The following FBXO25 variants were observed in gnomAD, a reference collection of about 807,000 sequenced individuals.
The protein encoded by FBXO25 is F-box only protein 25.
In FBXO25, 45 loss-of-function variants were observed where a neutral mutation model predicts 51.9. The observed-to-expected ratio is 0.87, with a 90% confidence interval of 0.68 to 1.11. The LOEUF (loss-of-function observed/expected upper bound fraction) is 1.11, where lower values mean the gene tolerates loss of function less well. Ranked by LOEUF, FBXO25 falls within the 50% of genes most tolerant of loss-of-function variation. The pLI, the probability that FBXO25 is intolerant of heterozygous loss-of-function variation, is 0.00. For synonymous variants in FBXO25, 199 were observed against 151.0 expected, an observed-to-expected ratio of 1.32 and a Z score of -2.33; for missense variants, 507 against 428.5, an observed-to-expected ratio of 1.18 and a Z score of -1.62.
chr8:427,086 A>G (rs1797534770), intron 2 of FBXO25, among the ~76,000 whole-genome samples: 1 of 152,132 alleles, frequency 6.6e-6, no homozygotes, highest in Non-Finnish European at 1.5e-5. Context: ...GGAGAAAATA[A>G]TACGACCTGA....
chr8:451,586 T>C (rs1585076766), intron 7 of FBXO25, 133 bp downstream of exon 7: 3 of 913,076 alleles, frequency 3.3e-6, no homozygotes, highest in Non-Finnish European at 3.2e-6. Flanking sequence ...ATTCATTAAA[T>C]TGTTTTAAAA....
At chr8:468,009 A>C in intron 9 of FBXO25, 5 of 1,321,940 alleles carry the variant, frequency 3.8e-6, no homozygotes, top group Non-Finnish European at 9.7e-7. Flanking sequence ...TTCACCACAC[A>C]GCACCTGGTT....
rs1798065714 is a variant in FBXO25, at chr8:435,718, T to C, written c.381+11T>C. 2 of 1,565,170 alleles carry C rather than the reference T, an allele frequency of 1.3e-6. No homozygotes were observed. The highest frequency in any genetic ancestry group is 1.7e-6 in the Non-Finnish European group (2 of 1,159,068). On this transcript the variant is annotated intron_variant, in intron 5 of 9. Transcript: ENST00000350302. The stretch of plus-strand genomic sequence containing the variant: ...AATTATGTGGTCAAAGTAAGTGTTC[T>C]ATTTCAAAAACTACTTTGATGACTC...
At chr8:447,245 G>A (rs1023030472) in intron 5 of FBXO25, among the ~76,000 whole-genome samples, 3 of 152,118 alleles carry the variant, frequency 2.0e-5, no homozygotes, top group Non-Finnish European at 4.4e-5. Context: ...GGTCTCCCAG[G>A]GATTCACATA....
chr8:420,618 A>G (rs773588258), intron 2 of FBXO25, among the ~76,000 whole-genome samples: 2 of 152,264 alleles, frequency 1.3e-5, no homozygotes, highest in African/African-American at 2.4e-5. Flanking sequence ...GGAACAAACT[A>G]TTAATTCGCA....
chr8:412,223 T>G (rs1252142975), intron 1 of FBXO25, among the ~76,000 whole-genome samples: 2 of 152,140 alleles, frequency 1.3e-5, no homozygotes, highest in Admixed American at 6.5e-5. Context: ...ATCTCTCCTT[T>G]CCTAATAAAA....
chr8:436,598 C>G (rs1307067686), intron 5 of FBXO25, among the ~76,000 whole-genome samples: 1 of 152,140 alleles, frequency 6.6e-6, no homozygotes, highest in Non-Finnish European at 1.5e-5. Context: ...GGCTGGACTT[C>G]CCTGGTGTTT....
intron 7 of FBXO25, among the ~76,000 whole-genome samples, chr8:452,419 C>T (rs1457826294): frequency 7.2e-6 from 1 of 138,714 alleles, no homozygotes. Context: ...ACTGCGTTCC[C>T]CATGCATAGG....
intron 5 of FBXO25, among the ~76,000 whole-genome samples, chr8:447,699 G>C (rs1414835636): frequency 6.6e-6 from 1 of 152,156 alleles, no homozygotes; most frequent in African/African-American, 2.4e-5. Context: ...ATTCATGTAT[G>C]TTTCACATAC....
intron 1 of FBXO25, among the ~76,000 whole-genome samples, chr8:408,409 G>T (rs1377475144): frequency 6.6e-6 from 1 of 152,124 alleles, no homozygotes; most frequent in Non-Finnish European, 1.5e-5. Context: ...TAAACATAGT[G>T]GTTAGGAGCA....
At chr8:414,265 A>T (rs1022220110) in intron 2 of FBXO25, among the ~76,000 whole-genome samples, 1 of 152,198 alleles carries the variant, frequency 6.6e-6, no homozygotes, top group African/African-American at 2.4e-5. Context: ...AAAGCTTGTA[A>T]TTATGCTGTT....
rs1456400854 is a variant in FBXO25, at chr8:471,756, A to C, written c.*2952A>C. The C allele has an allele frequency of 6.6e-6, 1 of 152,262 alleles. No homozygotes were observed. Among genetic ancestry groups the C allele is most frequent in the Admixed American group, 6.5e-5 (1 of 15,286 alleles). 9.4% of individuals were successfully genotyped at this position (152,262 alleles called of 1,614,324 possible). On this transcript the variant is annotated 3_prime_UTR_variant, in exon 10 of 10. Transcript: ENST00000350302. ...ATACACACAAATTGGAAAGCCATGC[A>C]GTAGCCTCTCAGGAGCAGACCGATT... is the stretch of plus-strand genomic sequence containing the variant.
At chr8:445,054 T>C (rs941463595) in intron 5 of FBXO25, among the ~76,000 whole-genome samples, 40 of 152,344 alleles carry the variant, frequency 2.6e-4, no homozygotes, top group African/African-American at 4.8e-4. Flanking sequence ...GGCTTATGAA[T>C]GATTACAGTT....
At chr8:453,522 G>T (rs1479172070) in intron 7 of FBXO25, among the ~76,000 whole-genome samples, 1 of 152,134 alleles carries the variant, frequency 6.6e-6, no homozygotes, top group Non-Finnish European at 1.5e-5. Context: ...TCAGTTAACT[G>T]AGCTGCATTT....
intron 4 of FBXO25, among the ~76,000 whole-genome samples, chr8:434,079 G>T (rs1036129293): frequency 6.6e-6 from 1 of 152,208 alleles, no homozygotes; most frequent in African/African-American, 2.4e-5. Flanking sequence ...AGGCTGTGGG[G>T]ATGCTCCCTG....
At chr8:450,823 G>C (rs1446032582) in intron 6 of FBXO25, 2 of 156,584 alleles carry the variant, frequency 1.3e-5, no homozygotes, top group East Asian at 3.8e-4. Context: ...TTAAGTGTGT[G>C]TATATTACTG....
At chr8:449,893 T>C in intron 5 of FBXO25, 97 bp from the exon 6 acceptor site, 1 of 811,498 alleles carries the variant, frequency 1.2e-6, no homozygotes, top group Non-Finnish European at 2.0e-6. Context: ...TAGGATGGCA[T>C]GTTAGAAATC....
chr8:420,030 G>C (rs1365505186), intron 2 of FBXO25, among the ~76,000 whole-genome samples: 2 of 152,106 alleles, frequency 1.3e-5, no homozygotes, highest in East Asian at 1.9e-4. Context: ...AGAAAAATAA[G>C]CATGTGATGC....
Position 473,006 on chromosome 8 carries a change from G to T in FBXO25, c.*4202G>T, listed in dbSNP as rs1215985464. 6.6e-6 allele frequency: 1 copy of T among 152,368 alleles called. No homozygotes were observed. Among genetic ancestry groups the T allele is most frequent in the Non-Finnish European group, 1.5e-5 (1 of 68,170 alleles). The allele number at this position is 152,368 out of a possible 1,614,324, so 9.4% of individuals were successfully genotyped here. Reference sequence around the variant, plus strand: ...CCAAGGGATTAGCAACAGGTAGGAGGAAAAAGAAGGACCTGCATACATGAC... The same window carrying T: ...CCAAGGGATTAGCAACAGGTAGGAGTAAAAAGAAGGACCTGCATACATGAC... On this transcript the variant is annotated 3_prime_UTR_variant, in exon 10 of 10. Coordinates refer to ENST00000350302, the MANE Select transcript of FBXO25 (RefSeq NM_183420.2).
Sources: allele counts gnomAD v4.1 joint callset (sites outside exome capture counted in the v4.1 genomes callset), GRCh38; gene constraint gnomAD v4.1.1; transcripts MANE v1.5; gene names NCBI Gene and HGNC (gene_info 2026-07-23, HGNC 2026-07-21).